Variants in ST6GALNAC2 observed in about 807,000 individuals in gnomAD.
The protein encoded by ST6GALNAC2 is ST6 N-acetylgalactosaminide alpha-2,6-sialyltransferase 2.
In ST6GALNAC2, 42 loss-of-function variants were observed where a neutral mutation model predicts 38.7. That is an observed-to-expected ratio of 1.09 (90% CI 0.85 to 1.40). The LOEUF is 1.40. ST6GALNAC2 is among the 40% of genes most tolerant of loss of function. ST6GALNAC2 has a pLI of 0.00. For synonymous variants in ST6GALNAC2, 233 were observed against 209.0 expected (o/e 1.11, Z -0.99); for missense variants, 506 against 481.7 (o/e 1.05, Z -0.47).
chr17:76,572,855 G>A (rs2075368878), intron 4 of ST6GALNAC2, 80 bp from the exon 5 acceptor site: 7 of 1,560,758 alleles, frequency 4.5e-6, no homozygotes, highest in Non-Finnish European at 5.3e-6. Context: ...GCTCTGCCTG[G>A]CCTATCCCCC....
rs750911760 is a variant in ST6GALNAC2 at position 76,585,831 on chromosome 17, C to T, written c.-23G>A. 9.8e-6 allele frequency: 15 copies of T among 1,524,568 alleles called. No individual in the cohort carries two copies. The highest frequency in any genetic ancestry group is 1.1e-5 in the Non-Finnish European group (13 of 1,138,812). The allele number at this position is 1,524,568 out of a possible 1,614,324, so 94.4% of individuals were successfully genotyped here. A position where few individuals can be genotyped will look rare whatever the true frequency, so the allele number is the denominator to read the frequency against. ...CATACAGCCCCGGCCCGCGAGCGCCCCGTCCGCTGACGTCCCAGGCAGAAG... is the reference window on the plus strand; with the variant it reads ...CATACAGCCCCGGCCCGCGAGCGCCTCGTCCGCTGACGTCCCAGGCAGAAG... On this transcript the variant is annotated 5_prime_UTR_variant, in exon 1 of 9. Transcript: ENST00000225276.
Position 76,573,947 on chromosome 17 carries a change from T to C in ST6GALNAC2, c.361+418A>G, listed in dbSNP as rs1256229197. Among the ~76,000 whole-genome samples the C allele has an allele frequency of 6.6e-6, 1 of 151,756 alleles. No individual in the cohort carries two copies. Among genetic ancestry groups the C allele is most frequent in the Non-Finnish European group, 1.5e-5 (1 of 67,942 alleles). On this transcript the variant is annotated intron_variant, in intron 3 of 8. Transcript: ENST00000225276. The surrounding 1 kb of genome is among the most constrained non-coding windows in gnomAD (Gnocchi z 5.1). ...TCTCAAAAATAAAAAAGACTGTATA[T>C]TGCAAAAGAAAAGAATCGGAGGCCT...
chr17:76,569,767 C>T, intron 6 of ST6GALNAC2: 2 of 237,112 alleles, frequency 8.4e-6, no homozygotes, highest in Non-Finnish European at 1.6e-5. Context: ...GGGTAATCAC[C>T]AAGCGGGGGT....
chr17:76,572,221 T>C (rs8076344), intron 5 of ST6GALNAC2, among the ~76,000 whole-genome samples: 136,592 of 152,000 alleles, frequency 0.9, 61,416 homozygotes, highest in Middle Eastern at 0.93. Context: ...AATCCCCTTC[T>C]CCTGGGAGTC....
intron 5 of ST6GALNAC2, among the ~76,000 whole-genome samples, chr17:76,571,625 T>G (rs557694094): frequency 6.6e-6 from 1 of 152,298 alleles, no homozygotes; most frequent in Admixed American, 6.5e-5. Flanking sequence ...GCTGCTCTAT[T>G]TTGTTCCACT....
Position 76,573,159 on chromosome 17 carries a change from T to TCCCACCC in ST6GALNAC2, c.530+35_530+36insGGGTGGG. The TCCCACCC allele has an allele frequency of 3.3e-6, 5 of 1,530,324 alleles. No homozygotes were observed. The highest frequency in any genetic ancestry group is 4.5e-6 in the Non-Finnish European group (5 of 1,120,832). The allele number at this position is 1,530,324 out of a possible 1,614,324, so 94.8% of individuals were successfully genotyped here. On this transcript the variant is annotated intron_variant, in intron 4 of 8. Coordinates refer to ENST00000225276, the MANE Select transcript of ST6GALNAC2 (RefSeq NM_006456.3). This position sits in a 1 kb window ranked among gnomAD's most constrained non-coding sequence, Gnocchi z 5.1. Reference sequence around the variant, plus strand: ...GACACCCCCACCCTCCAGGCAACTCTCCCTCCCGCCCCTCCCCAGCTCCTA... The same window carrying TCCCACCC: ...GACACCCCCACCCTCCAGGCAACTCTCCCACCCCCCTCCCGCCCCTCCCCAGCTCCTA...
chr17:76,570,802 A>G (rs1375698830), intron 5 of ST6GALNAC2, 134 bp from the exon 6 acceptor site: 1 of 681,824 alleles, frequency 1.5e-6, no homozygotes, highest in African/African-American at 1.8e-5. Context: ...ATTCCCACCC[A>G]GAGGTGCTGT....
At chr17:76,567,256 G>A (rs1268878537) in intron 8 of ST6GALNAC2, among the ~76,000 whole-genome samples, 197 bp downstream of exon 8, 3 of 152,184 alleles carry the variant, frequency 2.0e-5, no homozygotes, top group Non-Finnish European at 2.9e-5. Context: ...GGCAAGGCTG[G>A]CCCAGGACCT....
chr17:76,579,107 C>T (rs11652216), intron 1 of ST6GALNAC2: 29,001 of 210,998 alleles, frequency 0.14, 2,189 homozygotes, highest in Middle Eastern at 0.22. Context: ...TTAGTAGAGA[C>T]GGGGTTTTTC....
intron 6 of ST6GALNAC2, chr17:76,569,016 GGA>G (rs994357794): frequency 1.6e-5 from 7 of 435,844 alleles, no homozygotes; most frequent in South Asian, 1.0e-4. Flanking sequence ...GCGGGGTGTA[GGA>G]GAGAGAGGAG....
Position 76,573,376 on chromosome 17 carries a change from A to G in ST6GALNAC2, c.362-13T>C. The G allele has an allele frequency of 1.3e-6, 2 of 1,517,666 alleles. No individual in the cohort carries two copies. Among genetic ancestry groups the G allele is most frequent in the Non-Finnish European group, 1.8e-6 (2 of 1,130,754 alleles). 94.0% of individuals were successfully genotyped at this position (1,517,666 alleles called of 1,614,324 possible). A position where few individuals can be genotyped will look rare whatever the true frequency, so the allele number is the denominator to read the frequency against. On this transcript the variant is annotated splice_polypyrimidine_tract_variant and intron_variant, in intron 3 of 8. Transcript: ENST00000225276. The surrounding 1 kb of genome is among the most constrained non-coding windows in gnomAD (Gnocchi z 5.1). Reference sequence around the variant, plus strand: ...GTGGAGGCGATGACTGTGGGTGCAGATGGGGAGCAGCCATGAGGAGGGCTG... The same window carrying G: ...GTGGAGGCGATGACTGTGGGTGCAGGTGGGGAGCAGCCATGAGGAGGGCTG...
In ST6GALNAC2 at chr17:76,566,216, A is replaced by G. The variant is rs1271903613; in HGVS notation, c.1013T>C (p.Phe338Ser). The part of the protein sequence containing the change: ...SNYWKFSDHY[F>S]ERKMKPLIFY... Reference sequence around the variant, plus strand: ...TATCAATGGCTTCATTTTTCGTTCGAAATAGTGGTCGGAAAATTTCCAGTA... The same window carrying G: ...TATCAATGGCTTCATTTTTCGTTCGGAATAGTGGTCGGAAAATTTCCAGTA... The change falls in exon 9 of 9, where the codon TTC becomes TCC. Residue 338 changes from phenylalanine to serine, a missense_variant. Coordinates refer to ENST00000225276, the MANE Select transcript of ST6GALNAC2 (RefSeq NM_006456.3). 1 of 1,614,080 alleles carries G rather than the reference A, an allele frequency of 6.2e-7. No homozygotes were observed. Among genetic ancestry groups the G allele is most frequent in the African/African-American group, 1.3e-5 (1 of 75,034 alleles).
chr17:76,566,713 A>C (rs1391256475), intron 8 of ST6GALNAC2, among the ~76,000 whole-genome samples: 9 of 140,650 alleles, frequency 6.4e-5, no homozygotes, highest in African/African-American at 2.4e-4. Flanking sequence ...AAAAAAAAAA[A>C]AGAGCTGGGC....
intron 8 of ST6GALNAC2, among the ~76,000 whole-genome samples, chr17:76,566,841 G>A (rs531955911): frequency 3.0e-4 from 45 of 152,206 alleles, no homozygotes; most frequent in Admixed American, 5.2e-4. Flanking sequence ...TCTCAAAAAA[G>A]AGGGAAAAGA....
At position 76,573,505 on chromosome 17, in the gene ST6GALNAC2, A is replaced by G; in HGVS notation, c.362-142T>C. On this transcript the variant is annotated intron_variant, in intron 3 of 8. Coordinates refer to ENST00000225276, the MANE Select transcript of ST6GALNAC2 (RefSeq NM_006456.3). This position sits in a 1 kb window ranked among gnomAD's most constrained non-coding sequence, Gnocchi z 5.1. Reference sequence around the variant, plus strand: ...AAGAAGCACAGAGGGTGGGAGGGGAAGGAGATGTCTGTGGGGGGAGAATTG... The same window carrying G: ...AAGAAGCACAGAGGGTGGGAGGGGAGGGAGATGTCTGTGGGGGGAGAATTG... 2.5e-6 allele frequency: 2 copies of G among 787,300 alleles called. No individual in the cohort carries two copies. The highest frequency in any genetic ancestry group is 2.4e-5 in the South Asian group (1 of 42,456). 48.8% of individuals were successfully genotyped at this position (787,300 alleles called of 1,614,324 possible).
intron 1 of ST6GALNAC2, among the ~76,000 whole-genome samples, chr17:76,581,345 A>T (rs1404493740): frequency 6.6e-6 from 1 of 152,028 alleles, no homozygotes; most frequent in Non-Finnish European, 1.5e-5. Context: ...GAGAACCCCC[A>T]GGGAGGCTTG....
chr17:76,566,371 A>G, intron 8 of ST6GALNAC2, 100 bp from the exon 9 acceptor site: 1 of 1,305,030 alleles, frequency 7.7e-7, no homozygotes. Context: ...CCGTCTGCTG[A>G]GGTGAGGATA....
At chr17:76,578,843 G>A (rs754351738) in intron 1 of ST6GALNAC2, 27 bp from the exon 2 acceptor site, 3 of 1,609,768 alleles carry the variant, frequency 1.9e-6, no homozygotes, top group South Asian at 1.1e-5. Context: ...AAAAAAGCAG[G>A]GGTCAGCAGC....
At chr17:76,579,834 T>A (rs973308354) in intron 1 of ST6GALNAC2, among the ~76,000 whole-genome samples, 4 of 152,182 alleles carry the variant, frequency 2.6e-5, no homozygotes, top group African/African-American at 9.7e-5. Flanking sequence ...ACAGACCCTA[T>A]GACCTGGGAC....
Sources: gnomAD v4.1 joint callset for allele counts (sites outside exome capture counted in the v4.1 genomes callset) on GRCh38, gnomAD v4.1.1 for gene constraint, Gnocchi (gnomAD v3.1) non-coding constraint, MANE v1.5 for transcripts, NCBI Gene and HGNC (gene_info 2026-07-23, HGNC 2026-07-21) for gene names.